The following MUSK variants were observed in gnomAD, a reference collection of about 807,000 sequenced individuals.
MUSK encodes muscle, skeletal receptor tyrosine-protein kinase.
MUSK carries 55 observed loss-of-function variants against 88.7 expected under a neutral mutation model. That is an observed-to-expected ratio of 0.62 (90% CI 0.50 to 0.78). The LOEUF (loss-of-function observed/expected upper bound fraction) is 0.78, where lower values mean the gene tolerates loss of function less well. Ranked by LOEUF, MUSK falls within the 30% of genes least tolerant of loss-of-function variation. MUSK has a pLI of 0.00. For missense variants in MUSK, 1,015 were observed against 1,074.3 expected (o/e 0.94, Z 0.77); for synonymous variants, 387 against 391.9 (o/e 0.99, Z 0.15).
chr9:110,773,726 G>A lies in MUSK; in HGVS notation c.1185-2062G>A, dbSNP rs888852050. Among the ~76,000 whole-genome samples, 10 of 151,990 alleles carry A rather than the reference G, an allele frequency of 6.6e-5. No individual in the cohort carries two copies. The East Asian group carries it at 1.2e-3, about 18-fold the overall frequency. On this transcript the variant is annotated intron_variant, in intron 9 of 14. Transcript: ENST00000374448. ...TGTTAACACAAGTGTTAGCTTTTGC[G>A]TTAGTTCTCCTCACTTGTGTTACTT... is the stretch of plus-strand genomic sequence containing the variant.
chr9:110,782,039 C>T (rs993424942), intron 11 of MUSK, among the ~76,000 whole-genome samples: 1 of 152,210 alleles, frequency 6.6e-6, no homozygotes, highest in Non-Finnish European at 1.5e-5. Context: ...TCCTATAATG[C>T]TTCTTATATT....
At chr9:110,690,371 AAT>A (rs1301842498) in intron 3 of MUSK, among the ~76,000 whole-genome samples, 9 of 108,666 alleles carry the variant, frequency 8.3e-5, no homozygotes, top group Non-Finnish European at 1.5e-4. Flanking sequence ...TATATACATA[AAT>A]ATATATATTT....
At chr9:110,735,592 T>C (rs889358737) in intron 6 of MUSK, among the ~76,000 whole-genome samples, 4 of 152,060 alleles carry the variant, frequency 2.6e-5, no homozygotes, top group Admixed American at 6.6e-5. Flanking sequence ...GGTTCGTTCA[T>C]GGGTACATAA....
chr9:110,755,941 T>TATAC (rs1266664621), intron 7 of MUSK, among the ~76,000 whole-genome samples: 21 of 76,536 alleles, frequency 2.7e-4, no homozygotes, highest in African/African-American at 6.5e-4. Context: ...TACATATATA[T>TATAC]ATATATATAC....
At chr9:110,775,389 T>C in intron 9 of MUSK, 1 of 239,930 alleles carries the variant, frequency 4.2e-6, no homozygotes, top group Non-Finnish European at 8.1e-6. Flanking sequence ...TCTTCCAAGC[T>C]GGAAACTGGT....
chr9:110,787,745 AAAG>A lies in MUSK; in HGVS notation c.1841_1843del (p.Glu614del). ...CACTATGGTGGCAGTAAAGATGCTC[AAAG>A]AAGAAGCCTCGGCAGATATGCAAGC... is the stretch of plus-strand genomic sequence containing the variant. On this transcript the variant is annotated inframe_deletion, in exon 14 of 15. Transcript: ENST00000374448. 1 of 1,613,858 alleles carries A rather than the reference AAAG, an allele frequency of 6.2e-7. No homozygotes were observed. The highest frequency in any genetic ancestry group is 8.5e-7 in the Non-Finnish European group (1 of 1,179,732).
chr9:110,798,349 G>A (rs1332276646), intron 14 of MUSK, among the ~76,000 whole-genome samples: 1 of 152,172 alleles, frequency 6.6e-6, no homozygotes, highest in Non-Finnish European at 1.5e-5. Context: ...TAATGGTTTT[G>A]TAGTCATAAA....
In MUSK at chr9:110,805,920, A is replaced by G. The variant is rs1240265089; in HGVS notation, c.*4932A>G. On this transcript the variant is annotated 3_prime_UTR_variant, in exon 15 of 15. Transcript: ENST00000374448. ...GCATTAGCATTTGTATTAGCATTGT[A>G]TTAGGAAAAACTCAGGAGTTTTTCT... 6.6e-6 allele frequency among the ~76,000 whole-genome samples: 1 copy of G among 152,046 alleles called. No homozygotes were observed. The highest frequency in any genetic ancestry group is 1.9e-4 in the East Asian group (1 of 5,204).
At chr9:110,689,718 T>TAGTTACATATAAATATATAACTATATATA (rs370720549) in intron 3 of MUSK, among the ~76,000 whole-genome samples, 1 of 51,662 alleles carries the variant, frequency 1.9e-5, no homozygotes. Context: ...TAACTATATA[T>TAGTTACATATAAATATATAACTATATATA]GTTATATATA....
chr9:110,730,170 G>A (rs2076944817), intron 5 of MUSK, among the ~76,000 whole-genome samples: 2 of 151,546 alleles, frequency 1.3e-5, no homozygotes, highest in African/African-American at 4.9e-5. Flanking sequence ...CTCATGAATA[G>A]ATCCCATGAG....
intron 13 of MUSK, among the ~76,000 whole-genome samples, chr9:110,786,140 G>A (rs138981437): frequency 0.013 from 1,922 of 150,782 alleles, 19 homozygotes; most frequent in South Asian, 0.036. Flanking sequence ...GCGAAACCCC[G>A]TCTCTACTAA....
In MUSK at chr9:110,755,185, T is replaced by C. The variant is rs1309093071; in HGVS notation, c.914-7017T>C. ...TCACTCCAGAGTCTGTTAGTTCTTA[T>C]GTATAAAGAAATTTCACAAAGAAAT... On this transcript the variant is annotated intron_variant, in intron 7 of 14. Transcript: ENST00000374448. Among the ~76,000 whole-genome samples, 4 of 152,214 alleles carry C rather than the reference T, an allele frequency of 2.6e-5. No homozygotes were observed. The East Asian group carries it at 5.8e-4, about 22-fold the overall frequency.
Position 110,747,451 on chromosome 9 carries a change from A to T in MUSK, c.754-190A>T, listed in dbSNP as rs75883504. Among the ~76,000 whole-genome samples, 2,038 of 152,320 alleles carry T rather than the reference A, an allele frequency of 0.013. 51 individuals carry two copies. The highest frequency in any genetic ancestry group is 0.046 in the African/African-American group (1,914 of 41,568). On this transcript the variant is annotated intron_variant, in intron 6 of 14. Transcript: ENST00000374448. Reference sequence around the variant, plus strand: ...GATTCAAATTATGGAGGAAAATGCTACTTCTTGAGGGAAGAGCTACAAAGT... The same window carrying T: ...GATTCAAATTATGGAGGAAAATGCTTCTTCTTGAGGGAAGAGCTACAAAGT...
intron 1 of MUSK, among the ~76,000 whole-genome samples, chr9:110,681,006 T>TAATATATTATATATTATATTA (rs1554732298): frequency 2.4e-5 from 1 of 41,946 alleles, no homozygotes; most frequent in African/African-American, 1.5e-4. Flanking sequence ...ATATATTATA[T>TAATATATTATATATTATATTA]TATATATAAT....
At chr9:110,713,686 C>A (rs2076706503) in intron 5 of MUSK, among the ~76,000 whole-genome samples, 1 of 152,130 alleles carries the variant, frequency 6.6e-6, no homozygotes, top group African/African-American at 2.4e-5. Flanking sequence ...GAAATGTTCC[C>A]AACCCAAGCC....
At chr9:110,690,945 A>G (rs953560472) in intron 3 of MUSK, among the ~76,000 whole-genome samples, 5 of 149,760 alleles carry the variant, frequency 3.3e-5, no homozygotes, top group African/African-American at 1.2e-4. Context: ...GCTCACTGCA[A>G]CCTCTGCCTC....
At chr9:110,700,198 A>G (rs998434061) in intron 5 of MUSK, among the ~76,000 whole-genome samples, 5 of 152,230 alleles carry the variant, frequency 3.3e-5, no homozygotes, top group African/African-American at 1.2e-4. Context: ...ACATTTTAAA[A>G]AGTTCCATTG....
chr9:110,772,286 C>T (rs1249898796), intron 9 of MUSK, among the ~76,000 whole-genome samples: 4 of 151,496 alleles, frequency 2.6e-5, no homozygotes, highest in Non-Finnish European at 5.9e-5. Flanking sequence ...GATGTTCTTT[C>T]TAATCTTGAA....
At chr9:110,708,510 G>GA (rs1196325462) in intron 5 of MUSK, among the ~76,000 whole-genome samples, 3 of 151,986 alleles carry the variant, frequency 2.0e-5, no homozygotes, top group Non-Finnish European at 2.9e-5. Flanking sequence ...ACCAAACAAA[G>GA]AAAAAAATCA....
Sources: allele counts gnomAD v4.1 joint callset (sites outside exome capture counted in the v4.1 genomes callset), GRCh38; gene constraint gnomAD v4.1.1; transcripts MANE v1.5; gene names NCBI Gene and HGNC (gene_info 2026-07-23, HGNC 2026-07-21).